The following EPHA6 variants were observed in gnomAD, a reference collection of about 807,000 sequenced individuals.
The protein encoded by EPHA6 is EPH receptor A6.
EPHA6 carries 50 observed loss-of-function variants against 112.0 expected under a neutral mutation model. The ratio of observed to expected loss-of-function variants is 0.45; its 90% CI spans 0.36 to 0.56. The LOEUF (loss-of-function observed/expected upper bound fraction) is 0.56, where lower values mean the gene tolerates loss of function less well. Ranked by LOEUF, EPHA6 falls within the 20% of genes least tolerant of loss-of-function variation. The pLI is 0.00. For missense variants in EPHA6, 1,280 were observed against 1,417.4 expected (o/e 0.90, Z 1.56); for synonymous variants, 529 against 490.7 (o/e 1.08, Z -1.03).
At position 97,295,509 on chromosome 3, in the gene EPHA6, G is replaced by A. The variant is rs2080843618; in HGVS notation, c.1606+51222G>A. On this transcript the variant is annotated intron_variant, in intron 5 of 17. Coordinates refer to ENST00000389672, the MANE Select transcript of EPHA6 (RefSeq NM_001080448.3). ...TGATTTATTTGTATTGTTTGTTTGT[G>A]TTTTTCTTGTATGTCACTGAGGTTT... 2.8e-5 allele frequency among the ~76,000 whole-genome samples: 4 copies of A among 144,750 alleles called. No individual in the cohort carries two copies. In the South Asian group the frequency reaches 8.7e-4, roughly 31 times the overall value. The allele number at this position is 144,750 out of a possible 152,430, so 95.0% of individuals were successfully genotyped here.
At chr3:97,292,799 A>C (rs1408392026) in intron 5 of EPHA6, among the ~76,000 whole-genome samples, 1 of 145,412 alleles carries the variant, frequency 6.9e-6, no homozygotes, top group Non-Finnish European at 1.5e-5. Context: ...TCTTTTCTTC[A>C]GGCAAGTCAT....
intron 10 of EPHA6, among the ~76,000 whole-genome samples, chr3:97,517,949 T>C (rs1323018863): frequency 6.6e-6 from 1 of 152,198 alleles, no homozygotes; most frequent in Non-Finnish European, 1.5e-5. Flanking sequence ...AGAATAGTAC[T>C]CCAATGTGTG....
chr3:97,370,476 G>A (rs1228423465), intron 5 of EPHA6, among the ~76,000 whole-genome samples: 1 of 152,180 alleles, frequency 6.6e-6, no homozygotes, highest in Non-Finnish European at 1.5e-5. Context: ...CAAGTTAGCT[G>A]TGCTTTATAA....
intron 5 of EPHA6, among the ~76,000 whole-genome samples, chr3:97,349,943 C>T (rs1308167139): frequency 6.6e-6 from 1 of 151,566 alleles, no homozygotes; most frequent in African/African-American, 2.4e-5. Context: ...ATAGTCTAAA[C>T]TAATCATGCT....
intron 3 of EPHA6, among the ~76,000 whole-genome samples, chr3:97,153,663 T>G (rs1318480445): frequency 1.3e-5 from 2 of 152,108 alleles, no homozygotes; most frequent in Non-Finnish European, 2.9e-5. Flanking sequence ...TGGGAATAAT[T>G]GATATCTAAT....
At chr3:97,315,120 A>C (rs1442304122) in intron 5 of EPHA6, among the ~76,000 whole-genome samples, 1 of 151,192 alleles carries the variant, frequency 6.6e-6, no homozygotes, top group East Asian at 1.9e-4. Context: ...AAATATAGGG[A>C]TAAATTATAA....
intron 9 of EPHA6, chr3:97,481,369 A>G: frequency 6.5e-7 from 1 of 1,535,148 alleles, no homozygotes; most frequent in Non-Finnish European, 9.0e-7. Context: ...TATTCTGAGA[A>G]GGAGTTTCTA....
At chr3:97,351,168 C>T (rs1275479472) in intron 5 of EPHA6, among the ~76,000 whole-genome samples, 1 of 152,114 alleles carries the variant, frequency 6.6e-6, no homozygotes, top group Non-Finnish European at 1.5e-5. Flanking sequence ...TGCAATTTGT[C>T]GATTGAAAGA....
At chr3:96,975,863 A>G (rs918063148) in intron 2 of EPHA6, among the ~76,000 whole-genome samples, 1 of 152,182 alleles carries the variant, frequency 6.6e-6, no homozygotes, top group African/African-American at 2.4e-5. Context: ...CTGCAGAAAC[A>G]TGTATTATTT....
intron 3 of EPHA6, among the ~76,000 whole-genome samples, chr3:97,109,946 CATCAT>C (rs2047675153): frequency 6.6e-6 from 1 of 151,914 alleles, no homozygotes; most frequent in Non-Finnish European, 1.5e-5. Flanking sequence ...ATATGGGAGG[CATCAT>C]ATCAAGAAGC....
intron 16 of EPHA6, among the ~76,000 whole-genome samples, chr3:97,736,611 T>C (rs367670597): frequency 6.6e-6 from 1 of 151,742 alleles, no homozygotes; most frequent in African/African-American, 2.4e-5. Flanking sequence ...AGGAAGAATA[T>C]TTCCTGCTGA....
In EPHA6 at chr3:96,887,524, G is replaced by T. The variant is rs984827307; in HGVS notation, c.450+20635G>T. ...AGGGGTGCAACAGGACTCCTTGAAG[G>T]TTCCTAGCTTTGGTGGTTTAATGCT... On this transcript the variant is annotated intron_variant, in intron 2 of 17. Coordinates refer to ENST00000389672, the MANE Select transcript of EPHA6 (RefSeq NM_001080448.3). Among the ~76,000 whole-genome samples, 18 of 152,276 alleles carry T rather than the reference G, an allele frequency of 1.2e-4. No individual in the cohort carries two copies. In the East Asian group the frequency reaches 3.1e-3, roughly 26 times the overall value.
At chr3:96,968,687 A>G in intron 2 of EPHA6, among the ~76,000 whole-genome samples, 1 of 151,844 alleles carries the variant, frequency 6.6e-6, no homozygotes, top group East Asian at 1.9e-4. Flanking sequence ...AAGGTTCTTT[A>G]CTGCTATGCT....
At chr3:96,841,380 G>A (rs142836413) in intron 1 of EPHA6, among the ~76,000 whole-genome samples, 326 of 152,124 alleles carry the variant, frequency 2.1e-3, no homozygotes, top group African/African-American at 7.5e-3. Flanking sequence ...GTGGTATTGG[G>A]GCCCCATGAT....
At chr3:97,402,036 G>C (rs1389832150) in intron 5 of EPHA6, among the ~76,000 whole-genome samples, 1 of 151,876 alleles carries the variant, frequency 6.6e-6, no homozygotes, top group Non-Finnish European at 1.5e-5. Context: ...TATTATTTCA[G>C]TTTTTATAAA....
intron 3 of EPHA6, among the ~76,000 whole-genome samples, chr3:97,206,513 A>C (rs2077716291): frequency 1.3e-5 from 2 of 151,946 alleles, no homozygotes. Flanking sequence ...TTCCATGCTT[A>C]CATCTATTTG....
intron 14 of EPHA6, among the ~76,000 whole-genome samples, chr3:97,718,831 A>G (rs1221604042): frequency 6.6e-6 from 1 of 152,142 alleles, no homozygotes; most frequent in Non-Finnish European, 1.5e-5. Context: ...TTACATCTTT[A>G]CATCATATGA....
chr3:97,379,993 G>A (rs16838602), intron 5 of EPHA6, among the ~76,000 whole-genome samples: 2 of 152,000 alleles, frequency 1.3e-5, no homozygotes, highest in Non-Finnish European at 2.9e-5. Flanking sequence ...GCTCATCCAG[G>A]ATTTTCAGAA....
At chr3:97,185,844 AAAATGTGGCAC>A (rs1467123785) in intron 3 of EPHA6, among the ~76,000 whole-genome samples, 2 of 152,166 alleles carry the variant, frequency 1.3e-5, no homozygotes, top group Non-Finnish European at 2.9e-5. Context: ...CTGGATTAAG[AAAATGTGGCAC>A]ATATACACCA....
Sources: gnomAD v4.1 joint callset for allele counts (sites outside exome capture counted in the v4.1 genomes callset) on GRCh38, gnomAD v4.1.1 for gene constraint, MANE v1.5 for transcripts, NCBI Gene and HGNC (gene_info 2026-07-23, HGNC 2026-07-21) for gene names.